Variants in ABCB5 observed in about 807,000 individuals in gnomAD.
ABCB5 encodes the protein ATP binding cassette subfamily B member 5.
ABCB5 carries 155 observed loss-of-function variants against 144.2 expected under a neutral mutation model. That is an observed-to-expected ratio of 1.08 (90% confidence interval 0.94 to 1.23). The LOEUF (loss-of-function observed/expected upper bound fraction) is 1.23, where lower values mean the gene tolerates loss of function less well. Among genes scored for constraint, ABCB5 ranks in the 50% most tolerant of loss-of-function variants. The probability of loss-of-function intolerance (pLI) is 0.00; values close to 1 mark genes in which losing one functional copy is unlikely to be tolerated. For synonymous variants in ABCB5, 610 were observed against 528.6 expected (o/e 1.15, Z -2.11); for missense variants, 1,830 against 1,520.8 (o/e 1.20, Z -3.38).
chr7:20,630,213 G>A (rs921566111), intron 4 of ABCB5, among the ~76,000 whole-genome samples: 1 of 152,052 alleles, frequency 6.6e-6, no homozygotes, highest in Non-Finnish European at 1.5e-5. Context: ...CACACTGGAA[G>A]TATTGTTATA....
chr7:20,684,065 T>C (rs1785913818), intron 15 of ABCB5, among the ~76,000 whole-genome samples: 1 of 152,220 alleles, frequency 6.6e-6, no homozygotes, highest in Non-Finnish European at 1.5e-5. Flanking sequence ...AATAAATTAT[T>C]GTGAGTATTA....
chr7:20,720,617 G>A (rs893824463), intron 20 of ABCB5, among the ~76,000 whole-genome samples: 5 of 151,854 alleles, frequency 3.3e-5, no homozygotes, highest in Non-Finnish European at 5.9e-5. Flanking sequence ...TCTGGCTCGC[G>A]ATCTTCAAAA....
intron 15 of ABCB5, among the ~76,000 whole-genome samples, chr7:20,682,142 T>C (rs1275965794): frequency 1.3e-5 from 2 of 151,902 alleles, no homozygotes; most frequent in African/African-American, 4.8e-5. Context: ...GAGTCGGAGG[T>C]TGCAGTGAGC....
chr7:20,691,096 G>A (rs1271396102), intron 16 of ABCB5, among the ~76,000 whole-genome samples: 1 of 149,532 alleles, frequency 6.7e-6, no homozygotes, highest in Non-Finnish European at 1.5e-5. Flanking sequence ...ACTTGTCATT[G>A]ACCCAGTTTA....
At chr7:20,651,990 C>A (rs1043986321) in intron 13 of ABCB5, among the ~76,000 whole-genome samples, 1 of 151,808 alleles carries the variant, frequency 6.6e-6, no homozygotes, top group Non-Finnish European at 1.5e-5. Context: ...TAGTAACAAC[C>A]AAAAGAAGAA....
intron 4 of ABCB5, among the ~76,000 whole-genome samples, chr7:20,629,825 CTT>C (rs1783995580): frequency 6.6e-6 from 1 of 151,968 alleles, no homozygotes; most frequent in African/African-American, 2.4e-5. Context: ...ATGATCAAAT[CTT>C]TCAGTTTAGT....
Position 20,723,113 on chromosome 7 carries a change from T to C in ABCB5, c.2519T>C (p.Leu840Pro). Residue 840 changes from leucine to proline, a missense_variant, in exon 21 of 28, where the codon CTG becomes CCG. Physicochemically the swap from Leu to Pro is moderately conservative, Grantham distance 98. Coordinates refer to ENST00000404938, the MANE Select transcript of ABCB5 (RefSeq NM_001163941.2). ...SFIYGWEMTF[L>P]ILSIAPVLAV... The stretch of plus-strand genomic sequence containing the variant: ...ATATATGGATGGGAGATGACATTCC[T>C]GATTCTGAGTATTGCTCCAGTACTT... The C allele has an allele frequency of 6.2e-7, 1 of 1,614,164 alleles. No individual in the cohort carries two copies. Among genetic ancestry groups the C allele is most frequent in the Non-Finnish European group, 8.5e-7 (1 of 1,180,026 alleles).
intron 16 of ABCB5, among the ~76,000 whole-genome samples, chr7:20,697,677 C>T (rs2024045): frequency 0.86 from 131,195 of 152,236 alleles, 56,607 homozygotes; most frequent in Admixed American, 0.9. Flanking sequence ...TTTTGTGTAA[C>T]ATAATCCTTC....
intron 5 of ABCB5, 112 bp downstream of exon 5, chr7:20,632,225 G>A (rs1784055299): frequency 3.2e-6 from 2 of 620,666 alleles, no homozygotes; most frequent in Non-Finnish European, 5.4e-6. Context: ...CATAACAAAT[G>A]ATTAAAGCAA....
rs760248535 is a variant in ABCB5 at position 20,739,019 on chromosome 7, C to T, written c.2904C>T (p.Ile968=). The T allele has an allele frequency of 6.2e-6, 10 of 1,611,736 alleles. No individual in the cohort carries two copies. The East Asian group carries it at 8.9e-5, about 14-fold the overall frequency. The part of the protein sequence containing the change: ...FTAIAYGAMA[I]GETLVLAPEY... ...CAATTGCATATGGAGCTATGGCCAT[C>T]GGAGAAACGCTCGTTTTGGCTCCTG... The change falls in exon 24 of 28, where the codon ATC becomes ATT. Residue 968 remains isoleucine, a synonymous_variant. Coordinates refer to ENST00000404938, the MANE Select transcript of ABCB5 (RefSeq NM_001163941.2).
At chr7:20,662,568 T>A (rs1479882896) in intron 14 of ABCB5, among the ~76,000 whole-genome samples, 1 of 152,074 alleles carries the variant, frequency 6.6e-6, no homozygotes, top group African/African-American at 2.4e-5. Flanking sequence ...AAATCATTTA[T>A]AGCAACACTG....
chr7:20,733,629 T>C (rs967914272), intron 23 of ABCB5, among the ~76,000 whole-genome samples: 14 of 129,780 alleles, frequency 1.1e-4, no homozygotes, highest in African/African-American at 3.3e-4. Context: ...TTCTTCTCTT[T>C]TCTTTTCTTT....
chr7:20,738,310 T>G (rs1782453782), intron 23 of ABCB5, among the ~76,000 whole-genome samples: 1 of 152,242 alleles, frequency 6.6e-6, no homozygotes, highest in South Asian at 2.1e-4. Context: ...TGTGCCACAG[T>G]CGAGTAAATA....
chr7:20,674,589 A>G (rs1351761404), intron 14 of ABCB5, among the ~76,000 whole-genome samples: 3 of 151,844 alleles, frequency 2.0e-5, no homozygotes, highest in African/African-American at 7.2e-5. Context: ...GTATACAAAC[A>G]CACAAAAACA....
chr7:20,658,503 T>C lies in ABCB5; in HGVS notation c.1537-3T>C, dbSNP rs1784886129. 6.2e-7 allele frequency: 1 copy of C among 1,611,224 alleles called. No individual in the cohort carries two copies. The highest frequency in any genetic ancestry group is 8.5e-7 in the Non-Finnish European group (1 of 1,178,810). ...TCTGTGCTTCTTTCCTATTTTTCAT[T>C]AGAAATTTAATACATTGGTAGGGGA... On this transcript the variant is annotated splice_polypyrimidine_tract_variant and splice_region_variant and intron_variant, in intron 13 of 27. Coordinates refer to ENST00000404938, the MANE Select transcript of ABCB5 (RefSeq NM_001163941.2).
intron 5 of ABCB5, among the ~76,000 whole-genome samples, chr7:20,635,366 T>C (rs1784133908): frequency 6.8e-6 from 1 of 148,080 alleles, no homozygotes; most frequent in South Asian, 2.1e-4. Context: ...TTTCTGCTTA[T>C]AGTTGTTTTG....
At position 20,681,522 on chromosome 7, in the gene ABCB5, T is replaced by A. The variant is rs767381241; in HGVS notation, c.1725T>A (p.Thr575=). 6.2e-7 allele frequency: 1 copy of A among 1,614,216 alleles called. No individual in the cohort carries two copies. Among genetic ancestry groups the A allele is most frequent in the East Asian group, 2.2e-5 (1 of 44,888 alleles). The change falls in exon 15 of 28, where the codon ACT becomes ACA. Residue 575 remains threonine (T), a synonymous_variant. Coordinates refer to ENST00000404938, the MANE Select transcript of ABCB5 (RefSeq NM_001163941.2). The stretch of plus-strand genomic sequence containing the variant: ...TTCTGTAGGCGAGCAAAGGTCGGAC[T>A]ACAATCGTGGTAGCACACCGACTTT... The part of the protein sequence containing the change: ...AALEKASKGR[T]TIVVAHRLST...
intron 23 of ABCB5, 46 bp from the exon 24 acceptor site, chr7:20,738,937 C>T: frequency 2.0e-6 from 3 of 1,521,348 alleles, no homozygotes; most frequent in Non-Finnish European, 2.6e-6. Flanking sequence ...TACTGTTTTA[C>T]AAAGGATCGA....
At chr7:20,697,237 G>C (rs987280380) in intron 16 of ABCB5, among the ~76,000 whole-genome samples, 3 of 152,062 alleles carry the variant, frequency 2.0e-5, no homozygotes, top group East Asian at 1.9e-4. Flanking sequence ...GACTTTAAAG[G>C]CATCAGAATT....
Sources: allele counts gnomAD v4.1 joint callset (sites outside exome capture counted in the v4.1 genomes callset), GRCh38; gene constraint gnomAD v4.1.1; transcripts MANE v1.5; gene names NCBI Gene and HGNC (gene_info 2026-07-23, HGNC 2026-07-21).